The following SEMA6A variants were observed in gnomAD, a reference collection of about 807,000 sequenced individuals.
The protein encoded by SEMA6A is semaphorin 6A, also known as semaphorin-6A.
A neutral mutation model predicts 96.8 loss-of-function variants in SEMA6A; 25 were observed. The observed-to-expected ratio is 0.26, with a 90% CI of 0.19 to 0.36. The LOEUF (loss-of-function observed/expected upper bound fraction) is 0.36, where lower values mean the gene tolerates loss of function less well. Among genes scored for constraint, SEMA6A ranks in the 10% least tolerant of loss-of-function variants. SEMA6A has a pLI of 1.00. For missense variants in SEMA6A, 1,363 were observed against 1,323.1 expected (o/e 1.03, Z -0.47); for synonymous variants, 612 against 518.0 (o/e 1.18, Z -2.46).
chr5:116,447,089 T>C lies in SEMA6A; in HGVS notation c.2617A>G (p.Asn873Asp). The change falls in exon 19 of 19, where the codon AAC (asparagine) becomes GAC (aspartate). Residue 873 changes from asparagine (N) to aspartate (D), a missense_variant. By Grantham distance (23) the Asn-to-Asp change is conservative. Transcript: ENST00000343348. ...ACTTTGGGGGGCAGGCTGTCCAGGTTCTCCACAAGGTTCACCCCATGGTTG... is the reference window on the plus strand; with the variant it reads ...ACTTTGGGGGGCAGGCTGTCCAGGTCCTCCACAAGGTTCACCCCATGGTTG... The part of the protein sequence containing the change: ...SPNHGVNLVE[N>D]LDSLPPKVPQ... The C allele has an allele frequency of 6.2e-7, 1 of 1,613,812 alleles. No individual in the cohort carries two copies. The highest frequency in any genetic ancestry group is 8.5e-7 in the Non-Finnish European group (1 of 1,179,852).
chr5:116,486,917 GA>G lies in SEMA6A; in HGVS notation c.793del (p.Ser265LeufsTer13). ...CCACTGTTTCTCCAGGACTCTTTGA[GA>G]TCCTCCCATATCATTCTTACAAACC... ...AQVCKNDMGG[S>X]QRVLEKQWTS... is the part of the protein sequence containing the mutation. On this transcript the variant is annotated frameshift_variant, in exon 10 of 19. Coordinates refer to ENST00000343348, the MANE Select transcript of SEMA6A (RefSeq NM_020796.5). LOFTEE classifies it high-confidence loss of function. The G allele has an allele frequency of 6.2e-7, 1 of 1,613,760 alleles. No individual in the cohort carries two copies. The highest frequency in any genetic ancestry group is 8.5e-7 in the Non-Finnish European group (1 of 1,179,756).
At chr5:116,494,520 C>T (rs1440122975) in intron 6 of SEMA6A, among the ~76,000 whole-genome samples, 1 of 152,192 alleles carries the variant, frequency 6.6e-6, no homozygotes, top group Admixed American at 6.5e-5. Context: ...GACACGGGGT[C>T]ATCCTCTGAA....
At chr5:116,450,211 G>T (rs1157651494) in intron 18 of SEMA6A, among the ~76,000 whole-genome samples, 1 of 152,212 alleles carries the variant, frequency 6.6e-6, no homozygotes, top group Non-Finnish European at 1.5e-5. Context: ...GGTGATTTCA[G>T]TGGGAGTTGA....
rs376028528 is a variant in SEMA6A, at chr5:116,447,293, G to A, written c.2413C>T (p.Leu805=). The change falls in exon 19 of 19, where the codon CTG becomes TTG. Residue 805 remains leucine, a synonymous_variant. Coordinates refer to ENST00000343348, the MANE Select transcript of SEMA6A (RefSeq NM_020796.5). ...GGGATGTGGCTGGGGGAGGCCCGCA[G>A]GGGCAGGTCCGTGGGAATCACAGGG... ...GSPVIPTDLP[L]RASPSHIPSV... is the part of the protein sequence containing the mutation. 6.2e-7 allele frequency: 1 copy of A among 1,613,816 alleles called. No individual in the cohort carries two copies. Among genetic ancestry groups the A allele is most frequent in the East Asian group, 2.2e-5 (1 of 44,880 alleles).
intron 3 of SEMA6A, chr5:116,498,418 A>T (rs1757713025): frequency 6.6e-6 from 1 of 152,080 alleles, no homozygotes; most frequent in South Asian, 2.1e-4. Context: ...CATATATATA[A>T]TTTTTTTCAG....
chr5:116,456,400 A>C (rs1255002535), intron 18 of SEMA6A, among the ~76,000 whole-genome samples: 1 of 152,206 alleles, frequency 6.6e-6, no homozygotes, highest in Non-Finnish European at 1.5e-5. Flanking sequence ...CTCATTGGAT[A>C]ATTTCTTTAC....
chr5:116,514,702 G>A (rs7728185), intron 1 of SEMA6A, among the ~76,000 whole-genome samples: 38,481 of 152,046 alleles, frequency 0.25, 5,273 homozygotes, highest in African/African-American at 0.36. Flanking sequence ...TTTCAGAAGG[G>A]AGCCAAAATT....
At chr5:116,520,368 A>G (rs1326628149) in intron 1 of SEMA6A, among the ~76,000 whole-genome samples, 1 of 150,984 alleles carries the variant, frequency 6.6e-6, no homozygotes, top group Non-Finnish European at 1.5e-5. Context: ...TGTAAGCTCT[A>G]TGTGGGTAAA....
intron 1 of SEMA6A, among the ~76,000 whole-genome samples, chr5:116,559,333 C>A (rs7724329): frequency 0.2 from 30,117 of 152,138 alleles, 3,051 homozygotes; most frequent in East Asian, 0.3. Flanking sequence ...CCTGGTGCGT[C>A]GCCCAGATAG....
At chr5:116,553,940 A>G (rs577795591) in intron 1 of SEMA6A, among the ~76,000 whole-genome samples, 3 of 152,314 alleles carry the variant, frequency 2.0e-5, no homozygotes, top group East Asian at 1.9e-4. Context: ...GTTAATACCA[A>G]TTGTGTTTTG....
chr5:116,491,971 C>T lies in SEMA6A; in HGVS notation c.445-141G>A, dbSNP rs533652093. The T allele has an allele frequency of 1.2e-5, 8 of 654,566 alleles. 1 individual carries two copies. In the South Asian group the frequency reaches 1.3e-4, roughly 11 times the overall value. The allele number at this position is 654,566 out of a possible 1,614,324, so 40.5% of individuals were successfully genotyped here. ...GGACCCTGTTGAAGCCACTTTTAAA[C>T]TGTAGTTGAGAATCACATAAAATAG... On this transcript the variant is annotated intron_variant, in intron 6 of 18. Coordinates refer to ENST00000343348, the MANE Select transcript of SEMA6A (RefSeq NM_020796.5).
intron 1 of SEMA6A, among the ~76,000 whole-genome samples, chr5:116,521,942 T>A (rs6879748): frequency 2.0e-5 from 3 of 152,222 alleles, no homozygotes; most frequent in African/African-American, 7.2e-5. Flanking sequence ...TAGGCAACAT[T>A]GTGCACATTG....
At chr5:116,569,246 G>C (rs920909344) in intron 1 of SEMA6A, among the ~76,000 whole-genome samples, 3 of 152,188 alleles carry the variant, frequency 2.0e-5, no homozygotes, top group Non-Finnish European at 4.4e-5. Context: ...AGTGACATTT[G>C]AACAGAGACC....
rs898039753 is a variant in SEMA6A, at chr5:116,489,055, G to A, written c.536-48C>T. 2.6e-6 allele frequency: 4 copies of A among 1,514,928 alleles called. No homozygotes were observed. The Admixed American group carries it at 8.8e-5, about 33-fold the overall frequency. The allele number at this position is 1,514,928 out of a possible 1,614,324, so 93.8% of individuals were successfully genotyped here. ...TGAACAGGGTGGGAGCAAGTCAGTG[G>A]GGGTGGAGGAATAATAAAGACATCC... On this transcript the variant is annotated intron_variant, in intron 7 of 18. Coordinates refer to ENST00000343348, the MANE Select transcript of SEMA6A (RefSeq NM_020796.5).
At chr5:116,543,667 A>G (rs1580497830) in intron 1 of SEMA6A, among the ~76,000 whole-genome samples, 1 of 152,354 alleles carries the variant, frequency 6.6e-6, no homozygotes, top group Non-Finnish European at 1.5e-5. Flanking sequence ...ATGACCCTTC[A>G]GGGCTGTTTT....
intron 1 of SEMA6A, among the ~76,000 whole-genome samples, chr5:116,537,919 A>G (rs895257645): frequency 2.6e-5 from 4 of 152,134 alleles, no homozygotes; most frequent in African/African-American, 9.7e-5. Context: ...TCTCATGCCT[A>G]TAATCCCAGC....
chr5:116,569,111 C>G (rs1309673833), intron 1 of SEMA6A, among the ~76,000 whole-genome samples: 1 of 152,040 alleles, frequency 6.6e-6, no homozygotes, highest in Non-Finnish European at 1.5e-5. Flanking sequence ...AGAAAATCAA[C>G]AAGGACAACA....
intron 1 of SEMA6A, among the ~76,000 whole-genome samples, chr5:116,522,528 T>G (rs1284575950): frequency 6.6e-6 from 1 of 152,174 alleles, no homozygotes; most frequent in African/African-American, 2.4e-5. Context: ...TGGCTGGTGG[T>G]TTACACAGCA....
chr5:116,507,224 G>A (rs763439438), intron 1 of SEMA6A, among the ~76,000 whole-genome samples: 5 of 152,132 alleles, frequency 3.3e-5, no homozygotes, highest in Non-Finnish European at 5.9e-5. Flanking sequence ...TACATCATAC[G>A]GGTGAAAGTG....
Sources: allele counts gnomAD v4.1 joint callset (sites outside exome capture counted in the v4.1 genomes callset), GRCh38; gene constraint gnomAD v4.1.1; transcripts MANE v1.5; gene names NCBI Gene and HGNC (gene_info 2026-07-23, HGNC 2026-07-21).